Variants in SKI observed in about 807,000 individuals in gnomAD.
SKI encodes the protein SKI proto-oncogene, also known as ski oncogene.
Under a neutral mutation model 59.3 loss-of-function variants are expected in SKI, and 23 were observed. The observed-to-expected ratio is 0.39, with a 90% CI of 0.28 to 0.55. The LOEUF is 0.55. SKI is among the 20% of genes least tolerant of loss of function. The probability of loss-of-function intolerance (pLI) is 0.67; values close to 1 mark genes in which losing one functional copy is unlikely to be tolerated. For missense variants in SKI, 1,017 were observed against 1,038.9 expected (o/e 0.98, Z 0.29); for synonymous variants, 673 against 488.6 (o/e 1.38, Z -4.98).
rs201347157 is a variant in SKI, at chr1:2,279,466, CCTCTCTGGTT to C, written c.970-23506_970-23497del. ...GGCCTCTCGCCTGTTCCCGCCCATC[CCTCTCTGGTT>C]CTCTCAGGCCTCCTCTGGGCTTGCC... On this transcript the variant is annotated intron_variant, in intron 1 of 6. Coordinates refer to ENST00000378536, the MANE Select transcript of SKI (RefSeq NM_003036.4). 6.0e-3 allele frequency among the ~76,000 whole-genome samples: 920 copies of C among 152,356 alleles called. 8 individuals are homozygous for C. The highest frequency in any genetic ancestry group is 0.021 in the African/African-American group (862 of 41,584).
At chr1:2,234,085 T>C (rs1478238822) in intron 1 of SKI, among the ~76,000 whole-genome samples, 1 of 152,192 alleles carries the variant, frequency 6.6e-6, no homozygotes, top group African/African-American at 2.4e-5. Flanking sequence ...CTGGTCCCCG[T>C]GCAGAAGGCC....
chr1:2,278,566 C>T (rs1639798018), intron 1 of SKI, among the ~76,000 whole-genome samples: 1 of 152,162 alleles, frequency 6.6e-6, no homozygotes, highest in Non-Finnish European at 1.5e-5. Flanking sequence ...AAAGGTAGAG[C>T]CCGGCAGATT....
chr1:2,245,318 C>T (rs575418351), intron 1 of SKI, among the ~76,000 whole-genome samples: 2 of 152,184 alleles, frequency 1.3e-5, no homozygotes, highest in Admixed American at 6.5e-5. Flanking sequence ...TTTTGTTTAC[C>T]CATTTCTGTC....
chr1:2,237,740 CCATAGGCT>C (rs1638782725), intron 1 of SKI, among the ~76,000 whole-genome samples: 1 of 152,228 alleles, frequency 6.6e-6, no homozygotes, highest in Non-Finnish European at 1.5e-5. Flanking sequence ...GAAATAAGGC[CCATAGGCT>C]GGGTCCTTCT....
chr1:2,250,815 C>T, intron 1 of SKI, among the ~76,000 whole-genome samples: 1 of 152,282 alleles, frequency 6.6e-6, no homozygotes, highest in Admixed American at 6.5e-5. Context: ...TTCTCTTGGG[C>T]CTGCCTCGTT....
At chr1:2,250,348 C>A (rs568461790) in intron 1 of SKI, among the ~76,000 whole-genome samples, 2 of 152,196 alleles carry the variant, frequency 1.3e-5, no homozygotes, top group Admixed American at 6.5e-5. Flanking sequence ...CCGTTCCCAG[C>A]GTGTCCTCGA....
In SKI at chr1:2,303,707, TA is replaced by T; in HGVS notation, c.1212-131del. 7.8e-7 allele frequency: 1 copy of T among 1,282,708 alleles called. No homozygotes were observed. The highest frequency in any genetic ancestry group is 1.1e-6 in the Non-Finnish European group (1 of 917,556). 79.5% of individuals were successfully genotyped at this position (1,282,708 alleles called of 1,614,324 possible). A position where few individuals can be genotyped will look rare whatever the true frequency, so the allele number is the denominator to read the frequency against. On this transcript the variant is annotated intron_variant, in intron 3 of 6. Transcript: ENST00000378536. This position sits in a 1 kb window ranked among gnomAD's most constrained non-coding sequence, Gnocchi z 5.6. ...ACGCTTACGGGTTCTTAGGGAACTG[TA>T]AGCTTGACTTGAAGATTCGGAGCTG...
chr1:2,240,116 A>G (rs963320038), intron 1 of SKI, among the ~76,000 whole-genome samples: 1 of 152,192 alleles, frequency 6.6e-6, no homozygotes, highest in African/African-American at 2.4e-5. Flanking sequence ...TGGTTTGCTC[A>G]GTGAAGTGTG....
intron 1 of SKI, among the ~76,000 whole-genome samples, chr1:2,287,576 A>G (rs1640067175): frequency 6.6e-6 from 1 of 152,168 alleles, no homozygotes; most frequent in African/African-American, 2.4e-5. Context: ...TGTTTTATCC[A>G]AGTCCAAATA....
At chr1:2,289,668 G>A (rs1279712219) in intron 1 of SKI, among the ~76,000 whole-genome samples, 3 of 151,996 alleles carry the variant, frequency 2.0e-5, no homozygotes, top group Non-Finnish European at 4.4e-5. Context: ...TGGCTGTAGC[G>A]GCTCTCCCCT....
chr1:2,269,260 C>T lies in SKI; in HGVS notation c.970-33718C>T, dbSNP rs1381683786. Among the ~76,000 whole-genome samples, 2 of 152,166 alleles carry T rather than the reference C, an allele frequency of 1.3e-5. No homozygotes were observed. Among genetic ancestry groups the T allele is most frequent in the Non-Finnish European group, 2.9e-5 (2 of 68,034 alleles). On this transcript the variant is annotated intron_variant, in intron 1 of 6. Coordinates refer to ENST00000378536, the MANE Select transcript of SKI (RefSeq NM_003036.4). The surrounding 1 kb of genome is among the most constrained non-coding windows in gnomAD (Gnocchi z 4.7). ...CCGTGCCTGGCCCATGTTTGATTCT[C>T]GATGCAGATCCAGCCCTGGGAAGAA... is the stretch of plus-strand genomic sequence containing the variant.
intron 1 of SKI, chr1:2,240,803 C>T (rs1008173512): frequency 3.5e-5 from 34 of 985,338 alleles, no homozygotes; most frequent in Middle Eastern, 1.0e-3. Flanking sequence ...GTGAGAGGCG[C>T]GAGAAACCAC....
chr1:2,259,464 G>A (rs1469440351), intron 1 of SKI, among the ~76,000 whole-genome samples: 1 of 152,176 alleles, frequency 6.6e-6, no homozygotes, highest in Non-Finnish European at 1.5e-5. Flanking sequence ...CCTGAGCTGT[G>A]GAGGTTGTTT....
Position 2,306,130 on chromosome 1 carries a change from G to A in SKI, c.1878G>A (p.Lys626=), listed in dbSNP as rs761614569. 2.5e-6 allele frequency: 4 copies of A among 1,597,426 alleles called. No homozygotes were observed. The highest frequency in any genetic ancestry group is 3.3e-4 in the Middle Eastern group (2 of 6,062). ...IERLRAENEK[K]MKEANESRLR... Reference sequence around the variant, plus strand: ...GTCTCCGCGCCGAGAACGAGAAGAAGATGAAAGAGGCCAACGAGTCACGGC... The same window carrying A: ...GTCTCCGCGCCGAGAACGAGAAGAAAATGAAAGAGGCCAACGAGTCACGGC... Residue 626 remains lysine, a synonymous_variant, in exon 6 of 7, where the codon AAG becomes AAA. Transcript: ENST00000378536.
intron 1 of SKI, among the ~76,000 whole-genome samples, chr1:2,293,208 C>T (rs1306380666): frequency 6.6e-6 from 1 of 152,194 alleles, no homozygotes; most frequent in African/African-American, 2.4e-5. Flanking sequence ...TTCTGGCCAC[C>T]ACAGGGCTTT....
At chr1:2,290,036 A>G (rs1389148739) in intron 1 of SKI, among the ~76,000 whole-genome samples, 2 of 152,098 alleles carry the variant, frequency 1.3e-5, no homozygotes, top group Non-Finnish European at 2.9e-5. Flanking sequence ...GTGCCCTAGC[A>G]CAGAGACCCT....
intron 1 of SKI, among the ~76,000 whole-genome samples, chr1:2,301,088 C>T (rs935248620): frequency 1.3e-5 from 2 of 152,182 alleles, no homozygotes; most frequent in African/African-American, 2.4e-5. Context: ...CGAATTTCCG[C>T]GCCCGCTTCA....
intron 1 of SKI, among the ~76,000 whole-genome samples, chr1:2,271,392 G>C (rs979839665): frequency 6.6e-6 from 1 of 152,126 alleles, no homozygotes; most frequent in African/African-American, 2.4e-5. Context: ...ACAGGAGCCT[G>C]TTATGGAGCC....
At chr1:2,255,839 G>T (rs1478868867) in intron 1 of SKI, among the ~76,000 whole-genome samples, 1 of 150,142 alleles carries the variant, frequency 6.7e-6, no homozygotes, top group African/African-American at 2.5e-5. Context: ...CTCATTTCCT[G>T]TCTGGAACAT....
Sources: gnomAD v4.1 joint callset for allele counts (sites outside exome capture counted in the v4.1 genomes callset) on GRCh38, gnomAD v4.1.1 for gene constraint, Gnocchi (gnomAD v3.1) non-coding constraint, MANE v1.5 for transcripts, NCBI Gene and HGNC (gene_info 2026-07-23, HGNC 2026-07-21) for gene names.